ABCD2: variants seen among roughly 807,000 people sequenced by gnomAD.
ABCD2 encodes the protein ATP binding cassette subfamily D member 2, also known as ATP-binding cassette sub-family D member 2.
Under a neutral mutation model 70.9 loss-of-function variants are expected in ABCD2, and 36 were observed. The ratio of observed to expected loss-of-function variants is 0.51; its 90% CI spans 0.39 to 0.67. The LOEUF (loss-of-function observed/expected upper bound fraction) is 0.67. Among genes scored for constraint, ABCD2 ranks in the 30% least tolerant of loss-of-function variants. The pLI is 0.00. For synonymous variants in ABCD2, 304 were observed against 306.9 expected (o/e 0.99, Z 0.10); for missense variants, 729 against 890.2 (o/e 0.82, Z 2.30).
At chr12:39,534,789 A>T in the ABCD2 span, among the ~76,000 whole-genome samples, 1 of 150,486 alleles carries the variant, frequency 6.6e-6, no homozygotes, top group African/African-American at 2.5e-5. Flanking sequence ...AAAGAAAGAA[A>T]GAAAGAAAGA....
In ABCD2 at chr12:39,618,739, G is replaced by A. The variant is rs373640731; in HGVS notation, c.877C>T (p.Arg293Trp). ...GCTATAATTCTCGAGTGCACATACCGCAAATAGCCTTTTCTATGTGCTTCC... is the reference window on the plus strand; with the variant it reads ...GCTATAATTCTCGAGTGCACATACCACAAATAGCCTTTTCTATGTGCTTCC... ...AEEAHRKGYL[R>W]YVHSRIIANV... The change falls in exon 1 of 10, where the codon CGG becomes TGG. Residue 293 changes from arginine (R) to tryptophan (W), a missense_variant. Coordinates refer to ENST00000308666, the MANE Select transcript of ABCD2 (RefSeq NM_005164.4). The A allele has an allele frequency of 8.7e-6, 14 of 1,614,144 alleles. No individual in the cohort carries two copies. Among genetic ancestry groups the A allele is most frequent in the South Asian group, 3.3e-5 (3 of 91,080 alleles).
intron 2 of ABCD2, among the ~76,000 whole-genome samples, chr12:39,614,142 G>A (rs555036091): frequency 6.6e-6 from 1 of 152,252 alleles, no homozygotes; most frequent in African/African-American, 2.4e-5. Flanking sequence ...TGTGGAAATT[G>A]AAGGACAAAA....
At chr12:39,603,500 T>C (rs1260631688) in intron 5 of ABCD2, among the ~76,000 whole-genome samples, 1 of 152,102 alleles carries the variant, frequency 6.6e-6, no homozygotes, top group Non-Finnish European at 1.5e-5. Context: ...ATTTTAAAAA[T>C]TTAAGTCACA....
chr12:39,619,350 A>G lies in ABCD2; in HGVS notation c.266T>C (p.Leu89Pro), dbSNP rs1333059727. The G allele has an allele frequency of 6.2e-7, 1 of 1,614,042 alleles. No homozygotes were observed. The highest frequency in any genetic ancestry group is 8.5e-7 in the Non-Finnish European group (1 of 1,180,024). Residue 89 changes from leucine (L) to proline (P), a missense_variant, in exon 1 of 10, where the codon CTA becomes CCA. By Grantham distance (98) the Leu-to-Pro change is moderately conservative. Around this residue, in one of 3 missense-constraint regions of ABCD2, gnomAD observed 245 missense variants for 261.2 expected, o/e 0.94. Coordinates refer to ENST00000308666, the MANE Select transcript of ABCD2 (RefSeq NM_005164.4). ...TGGAAACAAAATTTTCCGAAGTTCT[A>G]GTAGCTGTTTGAAGAAATCTGCATT... ...GVNADFFKQL[L>P]ELRKILFPKL... is the part of the protein sequence containing the mutation.
chr12:39,573,951 A>G (rs759242095), intron 8 of ABCD2, 110 bp from the exon 9 acceptor site: 82 of 1,082,556 alleles, frequency 7.6e-5, no homozygotes, highest in Non-Finnish European at 1.0e-4. Flanking sequence ...AAAAAAGACT[A>G]TGGCATTATT....
intron 5 of ABCD2, among the ~76,000 whole-genome samples, chr12:39,601,435 A>T (rs1019073237): frequency 5.9e-5 from 9 of 151,732 alleles, no homozygotes; most frequent in African/African-American, 2.2e-4. Context: ...TTTATTTCTT[A>T]TCTATTGGAT....
intron 6 of ABCD2, among the ~76,000 whole-genome samples, chr12:39,598,691 C>A (rs902952049): frequency 6.6e-6 from 1 of 152,190 alleles, no homozygotes; most frequent in Non-Finnish European, 1.5e-5. Flanking sequence ...TGAGCCACCC[C>A]ACCCAGCCAG....
chr12:39,567,510 G>A (rs994615907), intron 9 of ABCD2, among the ~76,000 whole-genome samples: 1 of 151,796 alleles, frequency 6.6e-6, no homozygotes, highest in African/African-American at 2.4e-5. Flanking sequence ...CCTTTATTTT[G>A]AGCCTATGTG....
chr12:39,563,159 G>C (rs1366967276), intron 9 of ABCD2, among the ~76,000 whole-genome samples: 1 of 152,084 alleles, frequency 6.6e-6, no homozygotes, highest in Non-Finnish European at 1.5e-5. Context: ...GAGGAACATA[G>C]CTCAACAAAA....
At chr12:39,608,442 T>C (rs1942000460) in intron 2 of ABCD2, among the ~76,000 whole-genome samples, 1 of 152,088 alleles carries the variant, frequency 6.6e-6, no homozygotes. Context: ...GTCCTGGCAC[T>C]CTGGGAGGCC....
chr12:39,553,917 A>C lies in ABCD2; in HGVS notation c.2218T>G (p.Ser740Ala), dbSNP rs1396534312. Residue 740 changes from serine (S) to alanine (A), a missense_variant, in exon 10 of 10, where the codon TCT (serine) becomes GCT (alanine). Physicochemically the swap from Ser to Ala is moderately conservative, Grantham distance 99 (BLOSUM62 1). Coordinates refer to ENST00000308666, the MANE Select transcript of ABCD2 (RefSeq NM_005164.4). ...TTAAAATATGTCAAAACAAATTAAGATGTCTCATCTTCATTTTTAATTGTT... is the reference window on the plus strand; with the variant it reads ...TTAAAATATGTCAAAACAAATTAAGCTGTCTCATCTTCATTTTTAATTGTT... ...LKTIKNEDET[S>A] is the part of the protein sequence containing the mutation. The C allele has an allele frequency of 2.5e-6, 4 of 1,600,008 alleles. No homozygotes were observed. Among genetic ancestry groups the C allele is most frequent in the Non-Finnish European group, 3.4e-6 (4 of 1,170,898 alleles).
At chr12:39,534,883 G>GGAAAGAAAGAAA in the ABCD2 span, among the ~76,000 whole-genome samples, 43 of 122,858 alleles carry the variant, frequency 3.5e-4, 1 homozygote, top group East Asian at 1.4e-3. Context: ...AAGGAAGGAA[G>GGAAAGAAAGAAA]GAAAGAAAGA....
chr12:39,578,047 A>G (rs1236727222), intron 8 of ABCD2, among the ~76,000 whole-genome samples: 1 of 152,242 alleles, frequency 6.6e-6, no homozygotes, highest in Non-Finnish European at 1.5e-5. Context: ...CATACTTGAC[A>G]TAATTTTTAA....
At chr12:39,582,811 CAA>C (rs1157050803) in intron 7 of ABCD2, among the ~76,000 whole-genome samples, 2 of 151,540 alleles carry the variant, frequency 1.3e-5, no homozygotes, top group Non-Finnish European at 2.9e-5. Flanking sequence ...CACACAAAGA[CAA>C]AGTACAGTAT....
At chr12:39,544,732 C>T in the ABCD2 span, among the ~76,000 whole-genome samples, 7 of 152,100 alleles carry the variant, frequency 4.6e-5, no homozygotes, top group African/African-American at 1.7e-4. Context: ...TTCCTGCTGA[C>T]AGGAGACATA....
chr12:39,613,110 G>A (rs916838865), intron 2 of ABCD2, among the ~76,000 whole-genome samples: 2 of 87,692 alleles, frequency 2.3e-5, no homozygotes, highest in Non-Finnish European at 4.3e-5. Context: ...TTGTGGGCCG[G>A]GCGCGGTGGC....
intron 6 of ABCD2, among the ~76,000 whole-genome samples, chr12:39,595,377 C>G (rs189669099): frequency 9.9e-4 from 150 of 152,124 alleles, no homozygotes; most frequent in Non-Finnish European, 1.6e-3. Flanking sequence ...AGTATGTAGT[C>G]CCTTTGAAAT....
the ABCD2 span, among the ~76,000 whole-genome samples, chr12:39,544,222 C>G: frequency 6.6e-6 from 1 of 151,990 alleles, no homozygotes; most frequent in African/African-American, 2.4e-5. Context: ...TGAGTCAGTT[C>G]CTGGGTGGGG....
intron 9 of ABCD2, among the ~76,000 whole-genome samples, chr12:39,570,469 A>G (rs762457362): frequency 1.1e-4 from 16 of 152,230 alleles, no homozygotes; most frequent in Non-Finnish European, 2.1e-4. Flanking sequence ...AAAGTTGCCA[A>G]GAACACACTA....
Sources: gnomAD v4.1 joint callset for allele counts (sites outside exome capture counted in the v4.1 genomes callset) on GRCh38, gnomAD v4.1.1 for gene constraint, gnomAD v4.1.1 regional missense constraint, MANE v1.5 for transcripts, NCBI Gene and HGNC (gene_info 2026-07-23, HGNC 2026-07-21) for gene names.